Variants in B3GAT2 observed in about 807,000 individuals in gnomAD.
B3GAT2 encodes the protein beta-1,3-glucuronyltransferase 2.
In B3GAT2, 26 loss-of-function variants were observed where a neutral mutation model predicts 27.8. That is an observed-to-expected ratio of 0.93 (90% CI 0.68 to 1.30). The LOEUF is 1.30. Among genes scored for constraint, B3GAT2 ranks in the 50% most tolerant of loss-of-function variants. The pLI is 0.00. For missense variants in B3GAT2, 458 were observed against 459.0 expected, an observed-to-expected ratio of 1.00 and a Z score of 0.02; for synonymous variants, 218 against 195.1, an observed-to-expected ratio of 1.12 and a Z score of -0.98.
At chr6:70,949,736 T>C in intron 1 of B3GAT2, among the ~76,000 whole-genome samples, 1 of 151,878 alleles carries the variant, frequency 6.6e-6, no homozygotes, top group East Asian at 1.9e-4. Context: ...ATCATGCTGC[T>C]ATAAAGACAC....
At chr6:70,925,064 T>C (rs887018133) in intron 1 of B3GAT2, among the ~76,000 whole-genome samples, 2 of 152,196 alleles carry the variant, frequency 1.3e-5, no homozygotes, top group Non-Finnish European at 2.9e-5. Context: ...GGACTCAGCA[T>C]AAGGATCATT....
intron 2 of B3GAT2, among the ~76,000 whole-genome samples, chr6:70,882,991 T>C (rs535431154): frequency 2.6e-5 from 4 of 152,272 alleles, no homozygotes; most frequent in Non-Finnish European, 5.9e-5. Flanking sequence ...GCACATGAAG[T>C]GCAAATCAAA....
chr6:70,859,878 C>A lies in B3GAT2; in HGVS notation c.*1785G>T, dbSNP rs190929899. On this transcript the variant is annotated 3_prime_UTR_variant, in exon 4 of 4. Transcript: ENST00000230053. ...TATTTTACTTCCTAAAATTTTCTTA[C>A]TCCTTAGTAGTTAAAGCACAATATC... 10 of 207,598 alleles carry A rather than the reference C, an allele frequency of 4.8e-5. No individual in the cohort carries two copies. The highest frequency in any genetic ancestry group is 5.8e-5 in the Non-Finnish European group (6 of 104,208). 12.9% of individuals were successfully genotyped at this position (207,598 alleles called of 1,614,324 possible).
At chr6:70,913,034 A>G (rs1470869025) in intron 1 of B3GAT2, among the ~76,000 whole-genome samples, 2 of 151,894 alleles carry the variant, frequency 1.3e-5, no homozygotes, top group African/African-American at 2.4e-5. Flanking sequence ...GTCATTTCTG[A>G]TTAAGTTTAT....
At position 70,955,937 on chromosome 6, in the gene B3GAT2, C is replaced by G. The variant is rs768419572; in HGVS notation, c.493G>C (p.Ala165Pro). The G allele has an allele frequency of 1.3e-6, 2 of 1,583,912 alleles. No homozygotes were observed. The highest frequency in any genetic ancestry group is 1.4e-5 in the African/African-American group (1 of 72,752). Residue 165 changes from alanine (A) to proline (P), a missense_variant, in exon 1 of 4, where the codon GCC (alanine) becomes CCC (proline). Physicochemically the swap from Ala to Pro is conservative, Grantham distance 27. Coordinates refer to ENST00000230053, the MANE Select transcript of B3GAT2 (RefSeq NM_080742.3). ...TGCTGGTGCCTCTGGCGCAGCCAGG[C>G]GAGGCCCGCGTTGCGCTGCTCAGTG... ...RATEQRNAGL[A>P]WLRQRHQHQR...
chr6:70,876,945 G>C (rs1015643884), intron 2 of B3GAT2, among the ~76,000 whole-genome samples: 1 of 152,196 alleles, frequency 6.6e-6, no homozygotes, highest in Non-Finnish European at 1.5e-5. Context: ...AAATCTGAGA[G>C]GGACTTTGAA....
At chr6:70,915,547 T>C (rs1015991585) in intron 1 of B3GAT2, among the ~76,000 whole-genome samples, 1 of 152,236 alleles carries the variant, frequency 6.6e-6, no homozygotes, top group African/African-American at 2.4e-5. Flanking sequence ...AGGTATTACA[T>C]TCAAGTCTTT....
At chr6:70,944,275 T>C (rs1765440071) in intron 1 of B3GAT2, among the ~76,000 whole-genome samples, 1 of 152,110 alleles carries the variant, frequency 6.6e-6, no homozygotes, top group African/African-American at 2.4e-5. Context: ...GGCGAGGCAT[T>C]GCCTCACTCG....
At chr6:70,953,838 T>A (rs977342600) in intron 1 of B3GAT2, among the ~76,000 whole-genome samples, 2 of 152,200 alleles carry the variant, frequency 1.3e-5, no homozygotes, top group Admixed American at 1.3e-4. Flanking sequence ...CATTTTATAT[T>A]TTCCCCCATA....
At position 70,955,912 on chromosome 6, in the gene B3GAT2, T is replaced by G. The variant is rs771566480; in HGVS notation, c.518A>C (p.His173Pro). 4 of 1,600,872 alleles carry G rather than the reference T, an allele frequency of 2.5e-6. No homozygotes were observed. The highest frequency in any genetic ancestry group is 3.4e-6 in the Non-Finnish European group (4 of 1,175,120). Reference sequence around the variant, plus strand: ...GAGCACGCCGGGCTGCGCGCGCTGGTGCTGGTGCCTCTGGCGCAGCCAGGC... The same window carrying G: ...GAGCACGCCGGGCTGCGCGCGCTGGGGCTGGTGCCTCTGGCGCAGCCAGGC... ...GLAWLRQRHQ[H>P]QRAQPGVLFF... The change falls in exon 1 of 4, where the codon CAC (histidine) becomes CCC (proline). Residue 173 changes from histidine to proline, a missense_variant. Physicochemically the swap from His to Pro is moderately conservative, Grantham distance 77 (BLOSUM62 -2). Transcript: ENST00000230053.
At chr6:70,922,929 G>C (rs1772894302) in intron 1 of B3GAT2, among the ~76,000 whole-genome samples, 1 of 152,160 alleles carries the variant, frequency 6.6e-6, no homozygotes. Flanking sequence ...TTAGCTGTGT[G>C]GCCTCAGGCA....
intron 1 of B3GAT2, among the ~76,000 whole-genome samples, chr6:70,944,000 TATTA>T (rs1765434864): frequency 6.6e-6 from 1 of 152,198 alleles, no homozygotes; most frequent in African/African-American, 2.4e-5. Flanking sequence ...GTAATGAATA[TATTA>T]ATTAGCTTTA....
Position 70,857,778 on chromosome 6 carries a change from T to A in B3GAT2, c.*3885A>T. 2.7e-6 allele frequency: 2 copies of A among 740,266 alleles called. No homozygotes were observed. The highest frequency in any genetic ancestry group is 4.4e-6 in the Non-Finnish European group (2 of 459,744). The allele number at this position is 740,266 out of a possible 1,614,324, so 45.9% of individuals were successfully genotyped here. ...CCAGCTCTCAGGGTTTAGGTGTGGG[T>A]TGGTCTGAGTAGTAGGAGCAGCCAA... is the stretch of plus-strand genomic sequence containing the variant. On this transcript the variant is annotated 3_prime_UTR_variant, in exon 4 of 4. Transcript: ENST00000230053.
intron 1 of B3GAT2, among the ~76,000 whole-genome samples, chr6:70,945,831 G>A (rs1258038901): frequency 6.6e-6 from 1 of 151,406 alleles, no homozygotes; most frequent in Non-Finnish European, 1.5e-5. Flanking sequence ...AGAAAGGTCG[G>A]GTTACCCACA....
chr6:70,863,012 T>C (rs1226324989), intron 2 of B3GAT2, among the ~76,000 whole-genome samples: 1 of 152,164 alleles, frequency 6.6e-6, no homozygotes, highest in African/African-American at 2.4e-5. Flanking sequence ...TAATCTGTAG[T>C]TTAACAAACT....
At position 70,956,944 on chromosome 6, in the gene B3GAT2, G is replaced by C. The variant is rs1191686384; in HGVS notation, c.-515C>G. The C allele has an allele frequency of 9.9e-7, 1 of 1,013,370 alleles. No individual in the cohort carries two copies. The highest frequency in any genetic ancestry group is 1.7e-5 in the African/African-American group (1 of 57,356). The allele number at this position is 1,013,370 out of a possible 1,614,324, so 62.8% of individuals were successfully genotyped here. A position where few individuals can be genotyped will look rare whatever the true frequency, so the allele number is the denominator to read the frequency against. ...CCTTCCTCACATTCCCGCCGGGGTG[G>C]CGAGGAGCGGGTGGAGACGCTGGGG... On this transcript the variant is annotated 5_prime_UTR_variant, in exon 1 of 4. Coordinates refer to ENST00000230053, the MANE Select transcript of B3GAT2 (RefSeq NM_080742.3).
At chr6:70,863,608 T>C (rs928126032) in intron 2 of B3GAT2, among the ~76,000 whole-genome samples, 1 of 152,204 alleles carries the variant, frequency 6.6e-6, no homozygotes, top group African/African-American at 2.4e-5. Context: ...ATTTAACCTT[T>C]CTTGATTTTC....
intron 2 of B3GAT2, among the ~76,000 whole-genome samples, chr6:70,877,373 A>C (rs1304497168): frequency 6.6e-6 from 1 of 152,014 alleles, no homozygotes; most frequent in Non-Finnish European, 1.5e-5. Context: ...GGGTGGTCCA[A>C]CTCTCACTCC....
intron 1 of B3GAT2, among the ~76,000 whole-genome samples, chr6:70,905,986 T>A (rs548348636): frequency 6.6e-6 from 1 of 152,010 alleles, no homozygotes; most frequent in South Asian, 2.1e-4. Context: ...CTTCACTACA[T>A]AAAAGGGAGC....
Sources: allele counts gnomAD v4.1 joint callset (sites outside exome capture counted in the v4.1 genomes callset), GRCh38; gene constraint gnomAD v4.1.1; transcripts MANE v1.5; gene names NCBI Gene and HGNC (gene_info 2026-07-23, HGNC 2026-07-21).